Variants in DDX10 observed in about 807,000 individuals in gnomAD.
The protein encoded by DDX10 is DEAD-box helicase 10.
DDX10 carries 74 observed loss-of-function variants against 104.3 expected under a neutral mutation model. The observed-to-expected ratio is 0.71, with a 90% CI of 0.59 to 0.86. The LOEUF is 0.86. DDX10 is among the 40% of genes least tolerant of loss of function. The pLI is 0.00. For synonymous variants in DDX10, 351 were observed against 353.4 expected (o/e 0.99, Z 0.08); for missense variants, 952 against 1,040.0 (o/e 0.92, Z 1.16).
rs2094253271 is a variant in DDX10, at chr11:108,691,963, A to G, written c.1063A>G (p.Met355Val). Residue 355 changes from methionine to valine, a missense_variant, in exon 8 of 18, where the codon ATG (methionine) becomes GTG (valine). Transcript: ENST00000322536. ...LHGRQQQMRRMEVYNEFVRKR... is the reference protein window; with the variant it reads ...LHGRQQQMRRVEVYNEFVRKR... ...TGGTCGACAGCAGCAAATGAGAAGA[A>G]TGGAAGTCTATAATGAGTTTGTCCG... 6.2e-7 allele frequency: 1 copy of G among 1,614,184 alleles called. No homozygotes were observed. Among genetic ancestry groups the G allele is most frequent in the Admixed American group, 1.7e-5 (1 of 60,030 alleles).
At chr11:108,673,252 C>G (rs142114868) in intron 1 of DDX10, among the ~76,000 whole-genome samples, 147 of 152,064 alleles carry the variant, frequency 9.7e-4, no homozygotes, top group African/African-American at 3.4e-3. Context: ...CTTTTTTTTC[C>G]TTACCAATTG....
Position 108,891,355 on chromosome 11 carries a change from G to A in DDX10, c.2305-26518G>A, listed in dbSNP as rs536798535. ...CTCTCCTCCTGAGCCCTTCACAGGC[G>A]CTGTGCAGGGCTGAGGTTATAACCT... is the stretch of plus-strand genomic sequence containing the variant. On this transcript the variant is annotated intron_variant, in intron 16 of 17. Transcript: ENST00000322536. 5.3e-5 allele frequency among the ~76,000 whole-genome samples: 8 copies of A among 152,184 alleles called. No individual in the cohort carries two copies. The South Asian group carries it at 6.2e-4, about 12-fold the overall frequency.
intron 17 of DDX10, among the ~76,000 whole-genome samples, chr11:108,936,310 T>TG (rs1267628682): frequency 6.6e-6 from 1 of 152,234 alleles, no homozygotes; most frequent in African/African-American, 2.4e-5. Flanking sequence ...ATTGAAAGAC[T>TG]GTTATCTCTG....
At chr11:108,714,526 CTCTTTTTT>C in intron 10 of DDX10, among the ~76,000 whole-genome samples, 1 of 85,638 alleles carries the variant, frequency 1.2e-5, no homozygotes, top group Non-Finnish European at 2.2e-5. Context: ...AGAAGTCTGA[CTCTTTTTT>C]TTTTTTTTTT....
Position 108,838,526 on chromosome 11 carries a change from T to C in DDX10, c.2046T>C (p.Phe682=). 6.2e-7 allele frequency: 1 copy of C among 1,612,552 alleles called. No homozygotes were observed. The highest frequency in any genetic ancestry group is 8.5e-7 in the Non-Finnish European group (1 of 1,179,306). Residue 682 remains phenylalanine (F), a synonymous_variant, in exon 14 of 18, where the codon TTT becomes TTC. Transcript: ENST00000322536. ...AEAKKVMKRN[F]KVNKKITFTD... Reference sequence around the variant, plus strand: ...CAAAAAAAGTAATGAAGAGAAATTTTAAAGTGAATAAGAAGATAACATTTA... The same window carrying C: ...CAAAAAAAGTAATGAAGAGAAATTTCAAAGTGAATAAGAAGATAACATTTA...
rs143158745 is a variant in DDX10 at position 108,667,237 on chromosome 11, G to T, written c.186+1898G>T. Among the ~76,000 whole-genome samples, 1,131 of 152,294 alleles carry T rather than the reference G, an allele frequency of 7.4e-3. 10 individuals carry two copies. The highest frequency in any genetic ancestry group is 0.026 in the African/African-American group (1,064 of 41,552). On this transcript the variant is annotated intron_variant, in intron 1 of 17. Coordinates refer to ENST00000322536, the MANE Select transcript of DDX10 (RefSeq NM_004398.4). ...CTGCCATAGAAATACTTAAATGAAT[G>T]GGTGTTGTTTTTCAGTAAAACTTTA... is the stretch of plus-strand genomic sequence containing the variant.
intron 17 of DDX10, among the ~76,000 whole-genome samples, chr11:108,931,743 C>A (rs1264075711): frequency 3.9e-5 from 6 of 152,138 alleles, no homozygotes; most frequent in Admixed American, 3.3e-4. Context: ...TAATAATAAA[C>A]CTTTTAGGAA....
Position 108,708,335 on chromosome 11 carries a change from T to C in DDX10, c.1322+1498T>C, listed in dbSNP as rs545068634. Among the ~76,000 whole-genome samples the C allele has an allele frequency of 5.2e-5, 7 of 134,306 alleles. No homozygotes were observed. In the East Asian group the frequency reaches 1.5e-3, roughly 30 times the overall value. The allele number at this position is 134,306 out of a possible 152,430, so 88.1% of individuals were successfully genotyped here. The stretch of plus-strand genomic sequence containing the variant: ...TTTTTAGCCTGGTGATGTGATGGAG[T>C]ACATTAAGGTCTTTTTTTTTTTTTT... On this transcript the variant is annotated intron_variant, in intron 10 of 17. Coordinates refer to ENST00000322536, the MANE Select transcript of DDX10 (RefSeq NM_004398.4).
chr11:108,887,582 T>TA (rs34226825), intron 16 of DDX10, among the ~76,000 whole-genome samples: 18,598 of 140,738 alleles, frequency 0.13, 1,343 homozygotes, highest in East Asian at 0.22. Context: ...ATAGTCTGCT[T>TA]AAAAAAAAAA....
At chr11:108,909,294 G>C (rs1453228661) in intron 16 of DDX10, among the ~76,000 whole-genome samples, 1 of 152,138 alleles carries the variant, frequency 6.6e-6, no homozygotes, top group African/African-American at 2.4e-5. Context: ...TGCTGGGACG[G>C]TGGCCCACCC....
chr11:108,936,085 T>C (rs965758987), intron 17 of DDX10, among the ~76,000 whole-genome samples: 2 of 152,216 alleles, frequency 1.3e-5, no homozygotes, highest in Admixed American at 6.5e-5. Flanking sequence ...TTCATATATC[T>C]TGACCTAAGC....
intron 13 of DDX10, among the ~76,000 whole-genome samples, chr11:108,780,970 G>C (rs1443626474): frequency 6.6e-6 from 1 of 152,092 alleles, no homozygotes; most frequent in East Asian, 1.9e-4. Context: ...AGATACAGGG[G>C]ATACATGTAT....
intron 13 of DDX10, among the ~76,000 whole-genome samples, chr11:108,788,792 C>G (rs1035877629): frequency 1.3e-5 from 2 of 152,192 alleles, no homozygotes; most frequent in African/African-American, 4.8e-5. Flanking sequence ...CTTACTTAGC[C>G]ACACAACTCT....
At chr11:108,872,161 G>T (rs750611625) in intron 16 of DDX10, among the ~76,000 whole-genome samples, 1 of 152,152 alleles carries the variant, frequency 6.6e-6, no homozygotes, top group Non-Finnish European at 1.5e-5. Context: ...CTTCTCAGTT[G>T]TTTCTGTGGA....
At chr11:108,809,643 G>A (rs1462457339) in intron 13 of DDX10, among the ~76,000 whole-genome samples, 1 of 152,174 alleles carries the variant, frequency 6.6e-6, no homozygotes, top group African/African-American at 2.4e-5. Context: ...GCTCATACCA[G>A]GCCGTATGTA....
intron 13 of DDX10, among the ~76,000 whole-genome samples, chr11:108,723,704 T>G (rs975407510): frequency 6.6e-6 from 1 of 152,184 alleles, no homozygotes; most frequent in Non-Finnish European, 1.5e-5. Context: ...GGTTTTCTGA[T>G]GCTGTGTTTT....
intron 11 of DDX10, among the ~76,000 whole-genome samples, chr11:108,717,864 A>G (rs1323147907): frequency 6.6e-6 from 1 of 152,176 alleles, no homozygotes; most frequent in East Asian, 1.9e-4. Context: ...GAAAATTAAA[A>G]AATGTCTTGG....
rs76892461 is a variant in DDX10, at chr11:108,738,027, A to C, written c.1965+14565A>C. On this transcript the variant is annotated intron_variant, in intron 13 of 17. Coordinates refer to ENST00000322536, the MANE Select transcript of DDX10 (RefSeq NM_004398.4). ...TAATTTCAAAATGTTTGATATGGGAAATGGTTGCATATTCCAAAAACACTT... is the reference window on the plus strand; with the variant it reads ...TAATTTCAAAATGTTTGATATGGGACATGGTTGCATATTCCAAAAACACTT... Among the ~76,000 whole-genome samples the C allele has an allele frequency of 1.8e-4, 28 of 152,190 alleles. No individual in the cohort carries two copies. The East Asian group carries it at 5.4e-3, about 29-fold the overall frequency.
intron 13 of DDX10, among the ~76,000 whole-genome samples, chr11:108,766,953 T>G (rs2094357096): frequency 6.6e-6 from 1 of 152,208 alleles, no homozygotes; most frequent in Non-Finnish European, 1.5e-5. Context: ...TTAATTATTT[T>G]GAGAACCCTT....
Sources: allele counts gnomAD v4.1 joint callset (sites outside exome capture counted in the v4.1 genomes callset), GRCh38; gene constraint gnomAD v4.1.1; transcripts MANE v1.5; gene names NCBI Gene and HGNC (gene_info 2026-07-23, HGNC 2026-07-21).